RAVER2: variants seen among roughly 807,000 people sequenced by gnomAD.
RAVER2 encodes ribonucleoprotein, PTB binding 2.
In RAVER2, 46 loss-of-function variants were observed where a neutral mutation model predicts 78.1. The ratio of observed to expected loss-of-function variants is 0.59; its 90% confidence interval spans 0.46 to 0.75. The LOEUF is 0.75. Ranked by LOEUF, RAVER2 falls within the 30% of genes least tolerant of loss-of-function variation. RAVER2 has a pLI of 0.00. For synonymous variants in RAVER2, 311 were observed against 313.3 expected (o/e 0.99, Z 0.08); for missense variants, 793 against 837.5 (o/e 0.95, Z 0.66).
At chr1:64,798,192 C>T (rs1411935253) in intron 5 of RAVER2, among the ~76,000 whole-genome samples, 52 of 130,878 alleles carry the variant, frequency 4.0e-4, no homozygotes, top group Non-Finnish European at 6.5e-4. Flanking sequence ...TTTGTTCTTG[C>T]GATAGTTTAC....
Position 64,805,085 on chromosome 1 carries a change from A to G in RAVER2, c.1391A>G (p.His464Arg), listed in dbSNP as rs754044367. The G allele has an allele frequency of 2.5e-6, 4 of 1,614,000 alleles. No homozygotes were observed. Among genetic ancestry groups the G allele is most frequent in the Non-Finnish European group, 3.4e-6 (4 of 1,179,858 alleles). The change falls in exon 8 of 12, where the codon CAT (histidine) becomes CGT (arginine). Residue 464 changes from histidine to arginine, a missense_variant. His to Arg is a conservative substitution (Grantham distance 29). Transcript: ENST00000294428. ...CCATTGAAAAAGGAGTTGGGACATC[A>G]TCATGGAGAAGCACATAAAAGTAAA... is the stretch of plus-strand genomic sequence containing the variant.
At chr1:64,795,070 A>G (rs952660057) in intron 5 of RAVER2, among the ~76,000 whole-genome samples, 7 of 152,098 alleles carry the variant, frequency 4.6e-5, no homozygotes, top group African/African-American at 9.7e-5. Flanking sequence ...GTTTAGAAAG[A>G]TAATGTTTCA....
chr1:64,812,400 TAGACAGAC>T (rs549443437), intron 9 of RAVER2, among the ~76,000 whole-genome samples: 3 of 148,302 alleles, frequency 2.0e-5, no homozygotes, highest in Non-Finnish European at 3.0e-5. Context: ...GATAGATAGA[TAGACAGAC>T]AGACAGACAG....
intron 5 of RAVER2, among the ~76,000 whole-genome samples, chr1:64,801,749 C>A (rs964205123): frequency 3.3e-5 from 5 of 152,160 alleles, no homozygotes; most frequent in Admixed American, 3.3e-4. Flanking sequence ...CGCCTGTAAT[C>A]CCAGCTACTT....
At chr1:64,754,220 A>T (rs917138475) in intron 1 of RAVER2, among the ~76,000 whole-genome samples, 8 of 152,244 alleles carry the variant, frequency 5.3e-5, no homozygotes, top group African/African-American at 1.9e-4. Flanking sequence ...GCCCAAGATC[A>T]TTCAGCTAAT....
At chr1:64,811,581 TA>T (rs1653608433) in intron 9 of RAVER2, among the ~76,000 whole-genome samples, 1 of 152,258 alleles carries the variant, frequency 6.6e-6, no homozygotes, top group South Asian at 2.1e-4. Flanking sequence ...ACAAATGATG[TA>T]ATTTATGGTA....
chr1:64,771,368 A>T (rs1209029317), intron 2 of RAVER2, among the ~76,000 whole-genome samples: 3 of 152,020 alleles, frequency 2.0e-5, no homozygotes, highest in Non-Finnish European at 2.9e-5. Context: ...TTTTTCAGTC[A>T]TACAAAAGTT....
intron 5 of RAVER2, among the ~76,000 whole-genome samples, chr1:64,797,795 A>T (rs534607318): frequency 4.4e-4 from 67 of 152,158 alleles, no homozygotes; most frequent in African/African-American, 1.6e-3. Context: ...TTAACAAAAT[A>T]TATTTTAAGT....
chr1:64,820,002 G>A (rs1482167287), intron 11 of RAVER2, among the ~76,000 whole-genome samples: 2 of 152,134 alleles, frequency 1.3e-5, no homozygotes, highest in Admixed American at 6.6e-5. Context: ...AGCAAAAATT[G>A]TAACATATAG....
intron 5 of RAVER2, among the ~76,000 whole-genome samples, chr1:64,801,909 A>C (rs1653279058): frequency 6.6e-6 from 1 of 152,258 alleles, no homozygotes; most frequent in Admixed American, 6.5e-5. Flanking sequence ...CCATAGGCAG[A>C]ACAGTGGCAT....
At chr1:64,768,946 A>G (rs931656318) in intron 2 of RAVER2, among the ~76,000 whole-genome samples, 1 of 152,026 alleles carries the variant, frequency 6.6e-6, no homozygotes, top group African/African-American at 2.4e-5. Context: ...ATGAATTTTT[A>G]TAATGAATGT....
intron 1 of RAVER2, among the ~76,000 whole-genome samples, chr1:64,752,376 A>G (rs1483735272): frequency 1.3e-5 from 2 of 152,222 alleles, no homozygotes; most frequent in Admixed American, 6.5e-5. Flanking sequence ...CCTGGTTATC[A>G]TAACCATTCT....
exon 12 of RAVER2, chr1:64,830,943 A>G (rs1397575283): frequency 1.9e-6 from 3 of 1,613,862 alleles, no homozygotes; most frequent in Middle Eastern, 3.3e-4. Flanking sequence ...GCACAGGAGC[A>G]TATTACATGG....
rs1429196673 is a variant in RAVER2, at chr1:64,745,263, C to T, written c.91C>T (p.Gln31Ter). 7.7e-7 allele frequency: 1 copy of T among 1,297,054 alleles called. No homozygotes were observed. The highest frequency in any genetic ancestry group is 1.9e-5 in the South Asian group (1 of 53,318). 80.3% of individuals were successfully genotyped at this position (1,297,054 alleles called of 1,614,324 possible). The change falls in exon 1 of 12, where the codon CAG (glutamine) becomes TAG (stop). Residue 31 changes from glutamine to a stop codon, truncating the protein, a stop_gained. Coordinates refer to ENST00000294428, the Ensembl canonical transcript of RAVER2. LOFTEE classifies it high-confidence loss of function. The surrounding 1 kb of genome is among the most constrained non-coding windows in gnomAD (Gnocchi z 4.3). ...GGGGCCGGGGCCGGGGCTGCGCGGG[C>T]AGGGCCCCTCAGCCGAAGCGCACGA...
rs529537439 is a variant in RAVER2 at position 64,818,628 on chromosome 1, G to A, written c.1929+3788G>A. 3.9e-5 allele frequency among the ~76,000 whole-genome samples: 6 copies of A among 152,222 alleles called. No homozygotes were observed. In the East Asian group the frequency reaches 9.7e-4, roughly 24 times the overall value. On this transcript the variant is annotated intron_variant, in intron 11 of 11. Transcript: ENST00000294428. ...TGAATGACCAAAAGCAGGCAGAAAC[G>A]GGAGAATTATTCCTTGAAACAGGAA... is the stretch of plus-strand genomic sequence containing the variant.
At chr1:64,771,619 T>G (rs891526585) in intron 2 of RAVER2, among the ~76,000 whole-genome samples, 1 of 152,022 alleles carries the variant, frequency 6.6e-6, no homozygotes, top group African/African-American at 2.4e-5. Flanking sequence ...AGAAATAAAA[T>G]GTGTAACAGC....
chr1:64,783,711 A>G (rs1286068937), intron 4 of RAVER2, among the ~76,000 whole-genome samples: 1 of 152,146 alleles, frequency 6.6e-6, no homozygotes, highest in Non-Finnish European at 1.5e-5. Context: ...CTCTGATGGT[A>G]GTTTCTTTTA....
Position 64,804,726 on chromosome 1 carries a change from T to G in RAVER2, c.1192-8T>G. ...AATTAAACTGACAACGTTTTGTCATTTTCACAGAGCTCAGTTATGGGTAAT... is the reference window on the plus strand; with the variant it reads ...AATTAAACTGACAACGTTTTGTCATGTTCACAGAGCTCAGTTATGGGTAAT... On this transcript the variant is annotated splice_region_variant and splice_polypyrimidine_tract_variant and intron_variant, in intron 6 of 11. Coordinates refer to ENST00000294428, the Ensembl canonical transcript of RAVER2. 7.5e-7 allele frequency: 1 copy of G among 1,337,886 alleles called. No individual in the cohort carries two copies. Among genetic ancestry groups the G allele is most frequent in the Non-Finnish European group, 1.1e-6 (1 of 944,400 alleles). The allele number at this position is 1,337,886 out of a possible 1,614,324, so 82.9% of individuals were successfully genotyped here. A position where few individuals can be genotyped will look rare whatever the true frequency, so the allele number is the denominator to read the frequency against.
intron 1 of RAVER2, among the ~76,000 whole-genome samples, chr1:64,753,698 A>G (rs578071402): frequency 9.2e-4 from 139 of 151,152 alleles, no homozygotes; most frequent in Middle Eastern, 6.8e-3. Context: ...TAATTTTTGT[A>G]TTTTTAGTAG....
Sources: allele counts gnomAD v4.1 joint callset (sites outside exome capture counted in the v4.1 genomes callset), GRCh38; gene constraint gnomAD v4.1.1; non-coding constraint Gnocchi (gnomAD v3.1); transcripts MANE v1.5; gene names NCBI Gene and HGNC (gene_info 2026-07-23, HGNC 2026-07-21).